The following FNBP1 variants were observed in gnomAD, a reference collection of about 807,000 sequenced individuals.
FNBP1 encodes the protein formin-binding protein 1.
A neutral mutation model predicts 90.6 loss-of-function variants in FNBP1; 26 were observed. The ratio of observed to expected loss-of-function variants is 0.29; its 90% CI spans 0.21 to 0.40. The LOEUF is 0.40. Among genes scored for constraint, FNBP1 ranks in the 10% least tolerant of loss-of-function variants. The pLI is 1.00. For missense variants in FNBP1, 635 were observed against 768.0 expected (o/e 0.83, Z 2.05); for synonymous variants, 260 against 265.2 (o/e 0.98, Z 0.19).
rs1158999518 is a variant in FNBP1 at position 129,888,844 on chromosome 9, C to T, written c.*1695G>A. On this transcript the variant is annotated 3_prime_UTR_variant, in exon 17 of 17. Transcript: ENST00000446176. ...CCCATCCCTTGGGACCTGTCCTTTC[C>T]GTCCCTGTCCCTTTGGCTTCTATAG... 2 of 232,420 alleles carry T rather than the reference C, an allele frequency of 8.6e-6. No homozygotes were observed. Among genetic ancestry groups the T allele is most frequent in the East Asian group, 6.1e-5 (1 of 16,506 alleles). 14.4% of individuals were successfully genotyped at this position (232,420 alleles called of 1,614,324 possible).
At chr9:129,935,615 G>A (rs1464875951) in intron 6 of FNBP1, among the ~76,000 whole-genome samples, 3 of 152,130 alleles carry the variant, frequency 2.0e-5, no homozygotes, top group Non-Finnish European at 4.4e-5. Flanking sequence ...AACCTCCTGA[G>A]TAGCTGGGAC....
intron 13 of FNBP1, among the ~76,000 whole-genome samples, chr9:129,902,652 T>C (rs2037177248): frequency 6.6e-6 from 1 of 152,098 alleles, no homozygotes; most frequent in Non-Finnish European, 1.5e-5. Flanking sequence ...TTAAACATTG[T>C]CAGGTTTTAC....
At chr9:129,940,833 G>T (rs1039431065) in intron 6 of FNBP1, among the ~76,000 whole-genome samples, 1 of 151,772 alleles carries the variant, frequency 6.6e-6, no homozygotes, top group African/African-American at 2.4e-5. Flanking sequence ...CACCATGTTG[G>T]CCAGGATGGT....
At chr9:130,040,258 T>C (rs1013518426) in intron 1 of FNBP1, among the ~76,000 whole-genome samples, 1 of 145,682 alleles carries the variant, frequency 6.9e-6, no homozygotes, top group Non-Finnish European at 1.5e-5. Flanking sequence ...AGCACAATCA[T>C]GTGTTCATTC....
chr9:129,907,737 G>A lies in FNBP1; in HGVS notation c.1295+1153C>T, dbSNP rs762356821. The stretch of plus-strand genomic sequence containing the variant: ...ATGGCAAATGGGTTTTGATTTTTTT[G>A]TTTTGTTTTGAGACAGAGTCTCGCT... On this transcript the variant is annotated intron_variant, in intron 12 of 16. Coordinates refer to ENST00000446176, the MANE Select transcript of FNBP1 (RefSeq NM_015033.3). Among the ~76,000 whole-genome samples the A allele has an allele frequency of 1.7e-4, 26 of 151,808 alleles. 1 individual carries two copies. The highest frequency in any genetic ancestry group is 3.7e-4 in the Non-Finnish European group (25 of 67,934).
chr9:129,942,203 G>T lies in FNBP1; in HGVS notation c.514-12508C>A, dbSNP rs899612610. Among the ~76,000 whole-genome samples, 10 of 152,048 alleles carry T rather than the reference G, an allele frequency of 6.6e-5. No homozygotes were observed. In the East Asian group the frequency reaches 1.4e-3, roughly 21 times the overall value. Reference sequence around the variant, plus strand: ...AATAAAGACATTTCAAACAAATAAAGAAAATTTACCAGTCACAAACTCTCA... The same window carrying T: ...AATAAAGACATTTCAAACAAATAAATAAAATTTACCAGTCACAAACTCTCA... On this transcript the variant is annotated intron_variant, in intron 6 of 16. Transcript: ENST00000446176.
At chr9:130,015,053 TAATA>T (rs2057083679) in intron 1 of FNBP1, among the ~76,000 whole-genome samples, 1 of 151,528 alleles carries the variant, frequency 6.6e-6, no homozygotes, top group Non-Finnish European at 1.5e-5. Flanking sequence ...AATATTAATA[TAATA>T]AATACTGTCA....
chr9:129,944,239 AT>A (rs1412553210), intron 6 of FNBP1, among the ~76,000 whole-genome samples: 3 of 151,818 alleles, frequency 2.0e-5, no homozygotes, highest in Non-Finnish European at 4.4e-5. Flanking sequence ...GATGCCCAGA[AT>A]GCCTAGAATG....
chr9:129,992,728 A>T (rs2053385536), intron 2 of FNBP1, among the ~76,000 whole-genome samples: 1 of 149,864 alleles, frequency 6.7e-6, no homozygotes, highest in African/African-American at 2.4e-5. Context: ...TCATTTTTGT[A>T]TTTTTAGTGG....
intron 1 of FNBP1, among the ~76,000 whole-genome samples, chr9:130,010,693 C>G (rs970834056): frequency 6.6e-6 from 1 of 151,980 alleles, no homozygotes; most frequent in Non-Finnish European, 1.5e-5. Context: ...CTGGAATTTC[C>G]CTGCCTCTGG....
At chr9:129,929,858 AGGT>A (rs2042464154) in intron 6 of FNBP1, among the ~76,000 whole-genome samples, 163 bp from the exon 7 acceptor site, 5 of 152,174 alleles carry the variant, frequency 3.3e-5, no homozygotes, top group Admixed American at 3.3e-4. Flanking sequence ...AATTGACTTT[AGGT>A]AAGCAATGTG....
intron 6 of FNBP1, among the ~76,000 whole-genome samples, chr9:129,937,056 G>A (rs1199749615): frequency 6.6e-6 from 1 of 152,048 alleles, no homozygotes; most frequent in Non-Finnish European, 1.5e-5. Flanking sequence ...TGTAGTCCCA[G>A]CTGCTTGGGA....
At chr9:129,897,472 C>T (rs1281390009) in intron 15 of FNBP1, among the ~76,000 whole-genome samples, 1 of 152,140 alleles carries the variant, frequency 6.6e-6, no homozygotes, top group Non-Finnish European at 1.5e-5. Flanking sequence ...TCTGAAAAGT[C>T]CTGTAGTAAA....
chr9:129,919,088 G>T, intron 10 of FNBP1: 1 of 569,334 alleles, frequency 1.8e-6, no homozygotes, highest in Non-Finnish European at 3.0e-6. Context: ...TGGGTCCCCA[G>T]TCTTGGTGCT....
At chr9:129,892,055 G>A (rs1202329547) in intron 16 of FNBP1, among the ~76,000 whole-genome samples, 2 of 152,086 alleles carry the variant, frequency 1.3e-5, no homozygotes, top group Non-Finnish European at 2.9e-5. Context: ...AGCCGCAGCG[G>A]GGACCTAGCT....
At chr9:129,903,073 C>T (rs890734578) in intron 12 of FNBP1, 72 bp from the exon 13 acceptor site, 1 of 1,449,988 alleles carries the variant, frequency 6.9e-7, no homozygotes, top group East Asian at 2.5e-5. Flanking sequence ...ACTCTTGTCA[C>T]CCAGGCTGGA....
intron 3 of FNBP1, 144 bp downstream of exon 3, chr9:129,979,174 T>A: frequency 1.8e-6 from 1 of 544,376 alleles, no homozygotes. Context: ...AATTATGTTT[T>A]TATTGTTCTC....
intron 6 of FNBP1, among the ~76,000 whole-genome samples, chr9:129,952,476 C>A (rs1367146057): frequency 6.6e-6 from 1 of 151,704 alleles, no homozygotes; most frequent in South Asian, 2.1e-4. Flanking sequence ...CTAGCCTGGG[C>A]GACAGAGTGA....
rs1021677737 is a variant in FNBP1 at position 129,890,645 on chromosome 9, C to CTGGGAGGGGAGGGTAG, written c.1847-115_1847-100dup. ...GCTCTTGGCTACAAACTGCACCGCC[C>CTGGGAGGGGAGGGTAG]TGGGAGGGGAGGGTAGTGGGAGGGG... On this transcript the variant is annotated intron_variant, in intron 16 of 16. Transcript: ENST00000446176. This position sits in a 1 kb window ranked among gnomAD's most constrained non-coding sequence, Gnocchi z 5.8. The CTGGGAGGGGAGGGTAG allele has an allele frequency of 4.0e-6, 2 of 504,232 alleles. No individual in the cohort carries two copies. Among genetic ancestry groups the CTGGGAGGGGAGGGTAG allele is most frequent in the Non-Finnish European group, 7.5e-6 (2 of 267,548 alleles). 31.2% of individuals were successfully genotyped at this position (504,232 alleles called of 1,614,324 possible).
Sources: gnomAD v4.1 joint callset for allele counts (sites outside exome capture counted in the v4.1 genomes callset) on GRCh38, gnomAD v4.1.1 for gene constraint, Gnocchi (gnomAD v3.1) non-coding constraint, MANE v1.5 for transcripts, NCBI Gene and HGNC (gene_info 2026-07-23, HGNC 2026-07-21) for gene names.